The following GTF2A1 variants were observed in gnomAD, a reference collection of about 807,000 sequenced individuals.
GTF2A1 encodes general transcription factor IIA subunit 1.
A neutral mutation model predicts 54.1 loss-of-function variants in GTF2A1; 12 were observed. The ratio of observed to expected loss-of-function variants is 0.22; its 90% confidence interval spans 0.14 to 0.36. GTF2A1 has a LOEUF of 0.36. Among genes scored for constraint, GTF2A1 ranks in the 10% least tolerant of loss-of-function variants. The pLI is 1.00. For missense variants in GTF2A1, 335 were observed against 442.2 expected, an observed-to-expected ratio of 0.76 and a Z score of 2.17; for synonymous variants, 145 against 152.0, an observed-to-expected ratio of 0.95 and a Z score of 0.34.
intron 2 of GTF2A1, among the ~76,000 whole-genome samples, chr14:81,212,384 A>T (rs1339974735): frequency 1.3e-5 from 2 of 152,328 alleles, no homozygotes; most frequent in East Asian, 3.9e-4. Context: ...AGATTTACTG[A>T]AAACCAGGGC....
At position 81,176,058 on chromosome 14, in the gene GTF2A1, T is replaced by C. The variant is rs1260231914; in HGVS notation, c.*4165A>G. 2 of 152,210 alleles carry C rather than the reference T, an allele frequency of 1.3e-5. No individual in the cohort carries two copies. Among genetic ancestry groups the C allele is most frequent in the African/African-American group, 2.4e-5 (1 of 41,470 alleles). 9.4% of individuals were successfully genotyped at this position (152,210 alleles called of 1,614,324 possible). On this transcript the variant is annotated 3_prime_UTR_variant, in exon 9 of 9. Transcript: ENST00000553612. ...TGTTAAATGGAATTCTCATTAACAA[T>C]GTAAAGCATTTTCCTTTCTAAATTG...
At position 81,220,465 on chromosome 14, in the gene GTF2A1, C is replaced by G. The variant is rs768988147; in HGVS notation, c.30+24G>C. The G allele has an allele frequency of 5.2e-6, 8 of 1,544,250 alleles. No homozygotes were observed. The African/African-American group carries it at 1.1e-4, about 21-fold the overall frequency. On this transcript the variant is annotated intron_variant, in intron 1 of 8. Transcript: ENST00000553612. ...TGCTGCAGCCTGAACGAAGCCCCCG[C>G]CGGCCACCGAACCACGTCCTTACCA...
intron 2 of GTF2A1, among the ~76,000 whole-genome samples, chr14:81,208,753 C>T (rs965875305): frequency 5.9e-5 from 9 of 152,242 alleles, no homozygotes; most frequent in Non-Finnish European, 8.8e-5. Flanking sequence ...TCAGCATGAA[C>T]TAGATGTGAG....
rs149574518 is a variant in GTF2A1, at chr14:81,196,349, G to C, written c.479-108C>G. 186 of 1,130,470 alleles carry C rather than the reference G, an allele frequency of 1.6e-4. No individual in the cohort carries two copies. In the East Asian group the frequency reaches 3.7e-3, roughly 23 times the overall value. The allele number at this position is 1,130,470 out of a possible 1,614,324, so 70.0% of individuals were successfully genotyped here. ...CACCAAAGGCACAAGAAATTATCAA[G>C]AAAACTAACAATTTTATTAAAGGTT... On this transcript the variant is annotated intron_variant, in intron 5 of 8. Transcript: ENST00000553612.
At chr14:81,193,217 A>C (rs1000449937) in intron 6 of GTF2A1, among the ~76,000 whole-genome samples, 2 of 147,322 alleles carry the variant, frequency 1.4e-5, no homozygotes, top group Non-Finnish European at 3.0e-5. Context: ...CCCAGGCTGG[A>C]GTGCAATGGT....
intron 4 of GTF2A1, among the ~76,000 whole-genome samples, chr14:81,198,397 T>C (rs1360351291): frequency 1.3e-5 from 2 of 152,184 alleles, no homozygotes; most frequent in Admixed American, 6.5e-5. Flanking sequence ...TGAGCCGAGA[T>C]TGTGCCACTG....
intron 6 of GTF2A1, 53 bp from the exon 7 acceptor site, chr14:81,192,892 G>A (rs73344366): frequency 0.053 from 52,310 of 989,188 alleles, 4,023 homozygotes; most frequent in African/African-American, 0.32. Flanking sequence ...ATCAAGTATG[G>A]TACACAGAAA....
chr14:81,189,998 C>A (rs1429518410), intron 7 of GTF2A1, among the ~76,000 whole-genome samples: 1 of 66,780 alleles, frequency 1.5e-5, no homozygotes, highest in African/African-American at 9.1e-5. Context: ...CCTGGTAAGA[C>A]TGAACAGGGA....
chr14:81,184,327 T>C (rs1595207109), intron 8 of GTF2A1, among the ~76,000 whole-genome samples: 2 of 152,198 alleles, frequency 1.3e-5, no homozygotes, highest in Admixed American at 6.5e-5. Flanking sequence ...TTCCTAACAA[T>C]AAAGATTTAA....
At position 81,189,885 on chromosome 14, in the gene GTF2A1, A is replaced by T. The variant is rs1892836389; in HGVS notation, c.933+2634T>A. Among the ~76,000 whole-genome samples the T allele has an allele frequency of 1.3e-5, 2 of 152,198 alleles. 1 individual carries two copies. The highest frequency in any genetic ancestry group is 4.1e-4 in the South Asian group (2 of 4,834). Reference sequence around the variant, plus strand: ...ACATCACACAGATCATATTCTCTACAAACAAAACAGTTAAGTCAGAAAAGA... The same window carrying T: ...ACATCACACAGATCATATTCTCTACTAACAAAACAGTTAAGTCAGAAAAGA... On this transcript the variant is annotated intron_variant, in intron 7 of 8. Transcript: ENST00000553612.
chr14:81,183,509 T>C (rs1417317254), intron 8 of GTF2A1, among the ~76,000 whole-genome samples: 1 of 152,206 alleles, frequency 6.6e-6, no homozygotes, highest in Non-Finnish European at 1.5e-5. Flanking sequence ...ACTGAAGTCA[T>C]GTTGGGTAAT....
At chr14:81,215,998 C>T (rs1170883849) in intron 2 of GTF2A1, among the ~76,000 whole-genome samples, 4 of 152,062 alleles carry the variant, frequency 2.6e-5, no homozygotes, top group Non-Finnish European at 5.9e-5. Flanking sequence ...CCAGCCTGGG[C>T]GACAGAGCCC....
chr14:81,199,672 T>C lies in GTF2A1; in HGVS notation c.402+1922A>G, dbSNP rs728458. Among the ~76,000 whole-genome samples the C allele has an allele frequency of 6.6e-3, 1,002 of 152,280 alleles. 15 individuals are homozygous for C. The highest frequency in any genetic ancestry group is 0.022 in the African/African-American group (909 of 41,570). On this transcript the variant is annotated intron_variant, in intron 4 of 8. Transcript: ENST00000553612. Reference sequence around the variant, plus strand: ...TAAAATGTAAAATATACAGAAATGTTAAATCAATTTTCCTGAGTAACTGAC... The same window carrying C: ...TAAAATGTAAAATATACAGAAATGTCAAATCAATTTTCCTGAGTAACTGAC...
In GTF2A1 at chr14:81,178,871, C is replaced by G. The variant is rs527716316; in HGVS notation, c.*1352G>C. ...GGTGAAGACAAGCATTCCTGCAGTT[C>G]TCCCAGGCAGTGAATTCACACTGAA... is the stretch of plus-strand genomic sequence containing the variant. On this transcript the variant is annotated 3_prime_UTR_variant, in exon 9 of 9. Transcript: ENST00000553612. 1 of 152,352 alleles carries G rather than the reference C, an allele frequency of 6.6e-6. No individual in the cohort carries two copies. The highest frequency in any genetic ancestry group is 6.5e-5 in the Admixed American group (1 of 15,308). The allele number at this position is 152,352 out of a possible 1,614,324, so 9.4% of individuals were successfully genotyped here.
chr14:81,180,320 C>T lies in GTF2A1; in HGVS notation c.1034G>A (p.Ser345Asn). 7.5e-7 allele frequency: 1 copy of T among 1,324,604 alleles called. No homozygotes were observed. Among genetic ancestry groups the T allele is most frequent in the Non-Finnish European group, 1.1e-6 (1 of 924,790 alleles). The allele number at this position is 1,324,604 out of a possible 1,614,324, so 82.1% of individuals were successfully genotyped here. A position where few individuals can be genotyped will look rare whatever the true frequency, so the allele number is the denominator to read the frequency against. The change falls in exon 9 of 9, where the codon AGT becomes AAT. Residue 345 changes from serine (S) to asparagine (N), a missense_variant. By Grantham distance (46) the Ser-to-Asn change is conservative (BLOSUM62 1). Coordinates refer to ENST00000553612, the MANE Select transcript of GTF2A1 (RefSeq NM_015859.4). ...GAGATGAAATTTCCATTTGTTTTTACTTCTGTGTATCTAAACAAAAACAAC... is the reference window on the plus strand; with the variant it reads ...GAGATGAAATTTCCATTTGTTTTTATTTCTGTGTATCTAAACAAAAACAAC... ...VVCQYDKIHR[S>N]KNKWKFHLKD...
chr14:81,190,686 A>G (rs550761436), intron 7 of GTF2A1, among the ~76,000 whole-genome samples: 1 of 152,314 alleles, frequency 6.6e-6, no homozygotes, highest in African/African-American at 2.4e-5. Flanking sequence ...CCCACAACAA[A>G]CATTAAACTT....
At chr14:81,191,223 C>A (rs1188099053) in intron 7 of GTF2A1, among the ~76,000 whole-genome samples, 1 of 152,148 alleles carries the variant, frequency 6.6e-6, no homozygotes, top group African/African-American at 2.4e-5. Context: ...GTATGGACAT[C>A]TGCACAATTA....
intron 2 of GTF2A1, among the ~76,000 whole-genome samples, chr14:81,207,346 G>A (rs753703410): frequency 1.7e-4 from 26 of 152,054 alleles, no homozygotes; most frequent in South Asian, 1.0e-3. Flanking sequence ...AGGTGTTTTC[G>A]CTTTTGCTTG....
intron 6 of GTF2A1, among the ~76,000 whole-genome samples, chr14:81,193,228 G>A (rs374629674): frequency 5.3e-5 from 8 of 150,366 alleles, no homozygotes; most frequent in African/African-American, 1.2e-4. Flanking sequence ...GTGCAATGGT[G>A]TGATCTCGGC....
Sources: allele counts gnomAD v4.1 joint callset (sites outside exome capture counted in the v4.1 genomes callset), GRCh38; gene constraint gnomAD v4.1.1; transcripts MANE v1.5; gene names NCBI Gene and HGNC (gene_info 2026-07-23, HGNC 2026-07-21).